The following ZFYVE9 variants were observed in gnomAD, a reference collection of about 807,000 sequenced individuals.
ZFYVE9 encodes zinc finger FYVE domain-containing protein 9.
ZFYVE9 carries 43 observed loss-of-function variants against 126.7 expected under a neutral mutation model. The ratio of observed to expected loss-of-function variants is 0.34; its 90% CI spans 0.27 to 0.44. The LOEUF is 0.44. ZFYVE9 is among the 20% of genes least tolerant of loss of function. ZFYVE9 has a pLI of 1.00. For synonymous variants in ZFYVE9, 521 were observed against 597.4 expected (o/e 0.87, Z 1.87); for missense variants, 1,476 against 1,697.0 (o/e 0.87, Z 2.29).
chr1:52,326,869 C>G (rs1175715085), intron 13 of ZFYVE9, among the ~76,000 whole-genome samples: 1 of 150,954 alleles, frequency 6.6e-6, no homozygotes, highest in Non-Finnish European at 1.5e-5. Flanking sequence ...AACTCCATCT[C>G]AAAAACAAAC....
intron 4 of ZFYVE9, among the ~76,000 whole-genome samples, chr1:52,260,632 C>T (rs566298784): frequency 1.3e-5 from 2 of 152,140 alleles, no homozygotes; most frequent in Non-Finnish European, 2.9e-5. Flanking sequence ...GCCTGACCAA[C>T]CTGGTGAAAC....
chr1:52,255,694 A>G (rs926419375), intron 4 of ZFYVE9, among the ~76,000 whole-genome samples: 2 of 151,822 alleles, frequency 1.3e-5, no homozygotes, highest in Non-Finnish European at 2.9e-5. Flanking sequence ...GGAGTTCAAG[A>G]CTAGCTTGGG....
At chr1:52,248,810 G>T (rs550413895) in intron 4 of ZFYVE9, among the ~76,000 whole-genome samples, 8 of 152,152 alleles carry the variant, frequency 5.3e-5, no homozygotes, top group Non-Finnish European at 1.2e-4. Flanking sequence ...TTATATGGTA[G>T]TCCTGTGTTT....
chr1:52,257,001 TG>T (rs1269033071), intron 4 of ZFYVE9, among the ~76,000 whole-genome samples: 1 of 152,204 alleles, frequency 6.6e-6, no homozygotes, highest in Admixed American at 6.5e-5. Flanking sequence ...TTTTCTAATT[TG>T]GAAAGAAATA....
rs1645300878 is a variant in ZFYVE9 at position 52,238,625 on chromosome 1, A to G, written c.1208A>G (p.Lys403Arg). ...FSESQDMTNW[K>R]LTKLNEMNDS... Reference sequence around the variant, plus strand: ...GAATCTCAGGACATGACTAATTGGAAGTTGACTAAACTAAATGAGATGAAT... The same window carrying G: ...GAATCTCAGGACATGACTAATTGGAGGTTGACTAAACTAAATGAGATGAAT... Residue 403 changes from lysine (K) to arginine (R), a missense_variant, in exon 4 of 19, where the codon AAG becomes AGG. Lys to Arg is a conservative substitution (Grantham distance 26, BLOSUM62 2). Coordinates refer to ENST00000287727, the MANE Select transcript of ZFYVE9 (RefSeq NM_004799.4). 1 of 1,614,084 alleles carries G rather than the reference A, an allele frequency of 6.2e-7. No homozygotes were observed. Among genetic ancestry groups the G allele is most frequent in the Non-Finnish European group, 8.5e-7 (1 of 1,179,972 alleles).
At chr1:52,266,405 TAAAAAAAAAAAA>T (rs33996604) in intron 5 of ZFYVE9, among the ~76,000 whole-genome samples, 8 of 85,628 alleles carry the variant, frequency 9.3e-5, no homozygotes, top group East Asian at 5.2e-4. Context: ...TCTAATTCTT[TAAAAAAAAAAAA>T]AAAAAAAAAA....
Position 52,334,787 on chromosome 1 carries a change from A to C in ZFYVE9, c.3670+19A>C. On this transcript the variant is annotated intron_variant, in intron 15 of 18. Coordinates refer to ENST00000287727, the MANE Select transcript of ZFYVE9 (RefSeq NM_004799.4). ...GTGGAAGGTAAAGAATGAATTGTTC[A>C]GTCCTCATAATAAGGACTGAACTTA... 6.2e-7 allele frequency: 1 copy of C among 1,611,440 alleles called. No homozygotes were observed. The highest frequency in any genetic ancestry group is 8.5e-7 in the Non-Finnish European group (1 of 1,177,790).
At chr1:52,158,531 TG>T (rs1202323804) in intron 1 of ZFYVE9, among the ~76,000 whole-genome samples, 1 of 152,220 alleles carries the variant, frequency 6.6e-6, no homozygotes, top group African/African-American at 2.4e-5. Flanking sequence ...ATCCGTAACC[TG>T]TCTATCAGGC....
intron 1 of ZFYVE9, among the ~76,000 whole-genome samples, chr1:52,143,627 AATT>A (rs1644281623): frequency 6.6e-6 from 1 of 152,214 alleles, no homozygotes; most frequent in Non-Finnish European, 1.5e-5. Context: ...TGATTTTTAA[AATT>A]ATTATTTCTG....
At chr1:52,215,582 C>G (rs1192681237) in intron 1 of ZFYVE9, among the ~76,000 whole-genome samples, 1 of 152,076 alleles carries the variant, frequency 6.6e-6, no homozygotes, top group African/African-American at 2.4e-5. Flanking sequence ...TCTGAAAATA[C>G]TATGATTATG....
At chr1:52,330,861 A>G (rs769675383) in intron 13 of ZFYVE9, among the ~76,000 whole-genome samples, 4 of 151,888 alleles carry the variant, frequency 2.6e-5, no homozygotes, top group Non-Finnish European at 5.9e-5. Context: ...CAGCACTACA[A>G]CTTTTTTATT....
At chr1:52,303,946 G>A (rs748874173) in intron 13 of ZFYVE9, 21 bp downstream of exon 13, 36 of 1,529,448 alleles carry the variant, frequency 2.4e-5, no homozygotes, top group Admixed American at 1.2e-4. Flanking sequence ...CCATGAAGGC[G>A]TATTTTTCAT....
intron 17 of ZFYVE9, 100 bp from the exon 18 acceptor site, chr1:52,344,668 T>G (rs1646468297): frequency 7.7e-7 from 1 of 1,306,610 alleles, no homozygotes; most frequent in Non-Finnish European, 1.1e-6. Context: ...CATGTCTTCT[T>G]GCACATCTTG....
intron 1 of ZFYVE9, among the ~76,000 whole-genome samples, chr1:52,179,409 C>T (rs1292284588): frequency 2.6e-5 from 4 of 151,246 alleles, no homozygotes; most frequent in Admixed American, 6.6e-5. Flanking sequence ...CTGAGGCGGG[C>T]GGATTGTGTG....
chr1:52,212,297 A>G (rs1471110194), intron 1 of ZFYVE9, among the ~76,000 whole-genome samples: 1 of 152,124 alleles, frequency 6.6e-6, no homozygotes, highest in East Asian at 1.9e-4. Flanking sequence ...GGCACATGCC[A>G]CTATGCCTGG....
At chr1:52,178,551 G>C (rs1251053572) in intron 1 of ZFYVE9, among the ~76,000 whole-genome samples, 2 of 151,850 alleles carry the variant, frequency 1.3e-5, no homozygotes, top group Non-Finnish European at 2.9e-5. Flanking sequence ...GGCTGGTCTT[G>C]AACTCCTGAC....
chr1:52,178,140 G>A (rs560448006), intron 1 of ZFYVE9, among the ~76,000 whole-genome samples: 1 of 151,502 alleles, frequency 6.6e-6, no homozygotes, highest in Non-Finnish European at 1.5e-5. Flanking sequence ...TTAGCTGGGT[G>A]TGGTGGCTGG....
At chr1:52,282,206 T>C (rs537648820) in intron 10 of ZFYVE9, among the ~76,000 whole-genome samples, 13 of 152,192 alleles carry the variant, frequency 8.5e-5, no homozygotes, top group Non-Finnish European at 1.9e-4. Context: ...CAAAAACAAT[T>C]AGCATACATG....
intron 4 of ZFYVE9, among the ~76,000 whole-genome samples, chr1:52,258,287 T>C (rs368894749): frequency 1.5e-4 from 23 of 152,346 alleles, no homozygotes; most frequent in African/African-American, 5.5e-4. Context: ...TGTGCAAATA[T>C]GTAATTTTCT....
Sources: allele counts gnomAD v4.1 joint callset (sites outside exome capture counted in the v4.1 genomes callset), GRCh38; gene constraint gnomAD v4.1.1; transcripts MANE v1.5; gene names NCBI Gene and HGNC (gene_info 2026-07-23, HGNC 2026-07-21).